EIPR1: variants seen among roughly 807,000 people sequenced by gnomAD.
EIPR1 encodes EARP complex and GARP complex interacting protein 1, also known as EARP and GARP complex-interacting protein 1.
A neutral mutation model predicts 48.1 loss-of-function variants in EIPR1; 25 were observed. That is an observed-to-expected ratio of 0.52 (90% confidence interval 0.38 to 0.73). The LOEUF is 0.73. EIPR1 is among the 30% of genes least tolerant of loss of function. The pLI, the probability that EIPR1 is intolerant of heterozygous loss-of-function variation, is 0.00. For missense variants in EIPR1, 415 were observed against 506.2 expected (o/e 0.82, Z 1.73); for synonymous variants, 204 against 201.9 (o/e 1.01, Z -0.09).
chr2:3,345,906 G>A (rs533417073), intron 2 of EIPR1, among the ~76,000 whole-genome samples: 1 of 152,104 alleles, frequency 6.6e-6, no homozygotes, highest in Non-Finnish European at 1.5e-5. Flanking sequence ...GTTTATACTG[G>A]TGCACACATA....
intron 3 of EIPR1, among the ~76,000 whole-genome samples, chr2:3,290,523 T>C (rs545028929): frequency 6.6e-6 from 1 of 152,310 alleles, no homozygotes; most frequent in East Asian, 1.9e-4. Context: ...AGCTGTAGCT[T>C]GTACTTCTTT....
At chr2:3,356,019 C>CTATT (rs1670717466) in intron 1 of EIPR1, among the ~76,000 whole-genome samples, 1 of 152,158 alleles carries the variant, frequency 6.6e-6, no homozygotes, top group Non-Finnish European at 1.5e-5. Context: ...CTCTTGGGAA[C>CTATT]TATTCCATGT....
intron 3 of EIPR1, among the ~76,000 whole-genome samples, chr2:3,267,430 T>C (rs1238902903): frequency 1.3e-5 from 2 of 152,252 alleles, no homozygotes; most frequent in South Asian, 2.1e-4. Context: ...CTGTTTGGCC[T>C]GCGTCGCAGC....
At chr2:3,259,478 C>T in intron 3 of EIPR1, among the ~76,000 whole-genome samples, 1 of 152,178 alleles carries the variant, frequency 6.6e-6, no homozygotes, top group East Asian at 1.9e-4. Flanking sequence ...AAGTCTACAC[C>T]AGATACAATG....
intron 1 of EIPR1, among the ~76,000 whole-genome samples, chr2:3,376,032 T>A (rs1237968214): frequency 6.6e-6 from 1 of 152,108 alleles, no homozygotes; most frequent in Non-Finnish European, 1.5e-5. Context: ...CCCAGCACTT[T>A]GGGAGGCCAA....
chr2:3,325,714 C>T (rs1202248805), intron 3 of EIPR1, among the ~76,000 whole-genome samples: 1 of 152,194 alleles, frequency 6.6e-6, no homozygotes, highest in Admixed American at 6.5e-5. Context: ...CCACAAGCCT[C>T]ATGTTTCACT....
At chr2:3,328,261 A>G (rs1451229203) in intron 3 of EIPR1, among the ~76,000 whole-genome samples, 1 of 152,158 alleles carries the variant, frequency 6.6e-6, no homozygotes, top group Non-Finnish European at 1.5e-5. Context: ...GACCATTTCC[A>G]CCTGGGGGGT....
At chr2:3,310,652 CA>C (rs751422009) in intron 3 of EIPR1, among the ~76,000 whole-genome samples, 11,739 of 54,742 alleles carry the variant, frequency 0.21, 572 homozygotes, top group East Asian at 0.46. Flanking sequence ...GACTCCGTCT[CA>C]AAAAAAAAAA....
chr2:3,362,963 GC>G (rs1558320876), intron 1 of EIPR1, among the ~76,000 whole-genome samples: 1 of 152,232 alleles, frequency 6.6e-6, no homozygotes, highest in Non-Finnish European at 1.5e-5. Context: ...AGGCAGGGCT[GC>G]CTGGTGTCTT....
At chr2:3,375,763 A>G (rs1659856390) in intron 1 of EIPR1, among the ~76,000 whole-genome samples, 1 of 152,218 alleles carries the variant, frequency 6.6e-6, no homozygotes, top group African/African-American at 2.4e-5. Flanking sequence ...TCATCCGTAA[A>G]ACAGGAACAA....
chr2:3,283,804 G>A (rs1027750245), intron 3 of EIPR1, among the ~76,000 whole-genome samples: 1 of 152,060 alleles, frequency 6.6e-6, no homozygotes, highest in East Asian at 1.9e-4. Flanking sequence ...TTAGCCGGGC[G>A]TGGTGGCGGC....
rs182483302 is a variant in EIPR1, at chr2:3,281,299, G to A, written c.260-23844C>T. On this transcript the variant is annotated intron_variant, in intron 3 of 8. Coordinates refer to ENST00000382125, the MANE Select transcript of EIPR1 (RefSeq NM_003310.5). ...TCTCGGTGTCCCTCCAGGAAGGCTG[G>A]AGATTTGTTTACAGAAATCCAGTGA... is the stretch of plus-strand genomic sequence containing the variant. 4.5e-3 allele frequency among the ~76,000 whole-genome samples: 679 copies of A among 152,008 alleles called. 3 individuals are homozygous for A. The highest frequency in any genetic ancestry group is 7.8e-3 in the Non-Finnish European group (529 of 67,966).
chr2:3,298,948 G>A (rs1317209558), intron 3 of EIPR1, among the ~76,000 whole-genome samples: 1 of 152,066 alleles, frequency 6.6e-6, no homozygotes, highest in African/African-American at 2.4e-5. Flanking sequence ...TACCTACCCC[G>A]CTCCTGCTCA....
rs532805660 is a variant in EIPR1 at position 3,284,441 on chromosome 2, C to T, written c.260-26986G>A. 1.7e-3 allele frequency among the ~76,000 whole-genome samples: 209 copies of T among 119,638 alleles called. 1 individual carries two copies. Among genetic ancestry groups the T allele is most frequent in the African/African-American group, 6.1e-3 (192 of 31,424 alleles). 78.5% of individuals were successfully genotyped at this position (119,638 alleles called of 152,430 possible). On this transcript the variant is annotated intron_variant, in intron 3 of 8. Transcript: ENST00000382125. ...TGGGGCCGGAGGCCACCCACAGGCACAGAAGGCCGCGCCACGGCTGCACAT... is the reference window on the plus strand; with the variant it reads ...TGGGGCCGGAGGCCACCCACAGGCATAGAAGGCCGCGCCACGGCTGCACAT...
At position 3,338,121 on chromosome 2, in the gene EIPR1, T is replaced by A. The variant is rs752311582; in HGVS notation, c.155A>T (p.Asn52Ile). The A allele has an allele frequency of 6.2e-7, 1 of 1,611,050 alleles. No individual in the cohort carries two copies. The highest frequency in any genetic ancestry group is 1.7e-5 in the Admixed American group (1 of 58,962). ...GAGGACATTTTTATTTATAATGTTG[T>A]TTTCATCGTCAAAATCTATGATATG... is the stretch of plus-strand genomic sequence containing the variant. Reference protein sequence around the residue: ...QIHIIDFDDENNIINKNVLLH... With the variant: ...QIHIIDFDDEINIINKNVLLH... Residue 52 changes from asparagine to isoleucine, a missense_variant, in exon 3 of 9, where the codon AAC (asparagine) becomes ATC (isoleucine). Transcript: ENST00000382125.
At chr2:3,245,245 C>T (rs1390953808) in intron 4 of EIPR1, among the ~76,000 whole-genome samples, 2 of 152,066 alleles carry the variant, frequency 1.3e-5, no homozygotes, top group African/African-American at 4.8e-5. Context: ...TGGGGTCTTG[C>T]TCTGTCACCC....
chr2:3,270,636 T>C (rs1667676733), intron 3 of EIPR1, among the ~76,000 whole-genome samples: 1 of 152,288 alleles, frequency 6.6e-6, no homozygotes, highest in African/African-American at 2.4e-5. Context: ...AATAACATTA[T>C]GTCTAAAAAA....
chr2:3,375,988 T>C (rs1659863296), intron 1 of EIPR1, among the ~76,000 whole-genome samples: 1 of 152,152 alleles, frequency 6.6e-6, no homozygotes, highest in Admixed American at 6.5e-5. Flanking sequence ...AAGAATTTTG[T>C]CTTAGGCAGG....
intron 2 of EIPR1, among the ~76,000 whole-genome samples, chr2:3,349,688 C>T (rs561902414): frequency 2.7e-5 from 4 of 150,356 alleles, no homozygotes; most frequent in South Asian, 2.1e-4. Flanking sequence ...ACAGGGAGGA[C>T]GCTGTGAGAT....
Sources: gnomAD v4.1 joint callset for allele counts (sites outside exome capture counted in the v4.1 genomes callset) on GRCh38, gnomAD v4.1.1 for gene constraint, MANE v1.5 for transcripts, NCBI Gene and HGNC (gene_info 2026-07-23, HGNC 2026-07-21) for gene names.